The following ROBO2 variants were observed in gnomAD, a reference collection of about 807,000 sequenced individuals.
ROBO2 encodes roundabout homolog 2.
In ROBO2, 53 loss-of-function variants were observed where a neutral mutation model predicts 160.8. The observed-to-expected ratio is 0.33, with a 90% confidence interval of 0.26 to 0.41. ROBO2 has a LOEUF of 0.41. ROBO2 is among the 10% of genes least tolerant of loss of function. ROBO2 has a pLI of 1.00. For synonymous variants in ROBO2, 664 were observed against 611.7 expected (o/e 1.09, Z -1.26); for missense variants, 1,577 against 1,722.4 (o/e 0.92, Z 1.49).
chr3:77,041,455 T>TCC (rs1372245100), intron 1 of ROBO2, among the ~76,000 whole-genome samples: 1 of 152,164 alleles, frequency 6.6e-6, no homozygotes, highest in East Asian at 1.9e-4. Context: ...AGTAGAACAC[T>TCC]TAGCTCAGTC....
chr3:76,033,458 T>C (rs896898261), intron 2 of ROBO2, among the ~76,000 whole-genome samples: 2 of 152,188 alleles, frequency 1.3e-5, no homozygotes, highest in Admixed American at 1.3e-4. Context: ...CTGTGGTGTT[T>C]CCTCTGAGTC....
At chr3:76,437,051 G>A (rs2076714038) in intron 2 of ROBO2, among the ~76,000 whole-genome samples, 1 of 152,150 alleles carries the variant, frequency 6.6e-6, no homozygotes, top group Non-Finnish European at 1.5e-5. Flanking sequence ...CTGAATTTGT[G>A]TAACAGAATG....
exon 21 of ROBO2, chr3:77,607,943 A>G: frequency 1.2e-6 from 2 of 1,613,828 alleles, no homozygotes; most frequent in Non-Finnish European, 8.5e-7. Context: ...CAGTGGAACA[A>G]CAAGAAAATG....
intron 24 of ROBO2, among the ~76,000 whole-genome samples, chr3:77,643,735 A>T (rs2095380573): frequency 6.6e-6 from 1 of 152,190 alleles, no homozygotes; most frequent in Non-Finnish European, 1.5e-5. Context: ...TGTTGTAGAT[A>T]GGCCTCTCCA....
intron 2 of ROBO2, among the ~76,000 whole-genome samples, chr3:76,924,951 G>C (rs534784953): frequency 6.6e-6 from 1 of 152,262 alleles, no homozygotes; most frequent in East Asian, 1.9e-4. Flanking sequence ...GCTCACGCCT[G>C]TAATCCCAGC....
At chr3:77,078,115 A>G (rs1363114329) in intron 1 of ROBO2, among the ~76,000 whole-genome samples, 4 of 152,176 alleles carry the variant, frequency 2.6e-5, no homozygotes, top group Non-Finnish European at 5.9e-5. Flanking sequence ...ACTCATATGT[A>G]TACACCTCAA....
At chr3:75,975,943 C>T (rs1016107902) in intron 2 of ROBO2, among the ~76,000 whole-genome samples, 1 of 151,366 alleles carries the variant, frequency 6.6e-6, no homozygotes, top group African/African-American at 2.4e-5. Context: ...CCATCAAATC[C>T]CAAGGATTTG....
intron 2 of ROBO2, among the ~76,000 whole-genome samples, chr3:77,238,610 A>C (rs1415398898): frequency 6.6e-6 from 1 of 152,206 alleles, no homozygotes; most frequent in Non-Finnish European, 1.5e-5. Flanking sequence ...ATTTGTTTTA[A>C]TATAACTCCA....
intron 1 of ROBO2, among the ~76,000 whole-genome samples, chr3:77,061,540 A>G (rs964224001): frequency 3.3e-5 from 5 of 152,194 alleles, no homozygotes; most frequent in African/African-American, 1.2e-4. Context: ...GAAATCAGTA[A>G]CGGATTCATC....
At chr3:76,022,945 C>T (rs1263450057) in intron 2 of ROBO2, among the ~76,000 whole-genome samples, 2 of 151,714 alleles carry the variant, frequency 1.3e-5, no homozygotes, top group Non-Finnish European at 3.0e-5. Context: ...TCTTGTTTAG[C>T]GAAGCCACCT....
At chr3:77,341,134 C>T (rs2067009804) in intron 2 of ROBO2, among the ~76,000 whole-genome samples, 1 of 152,086 alleles carries the variant, frequency 6.6e-6, no homozygotes, top group Admixed American at 6.6e-5. Context: ...TTGCTGTTTT[C>T]ATACCACAAT....
At chr3:76,364,599 A>G (rs1451192341) in intron 2 of ROBO2, among the ~76,000 whole-genome samples, 1 of 152,058 alleles carries the variant, frequency 6.6e-6, no homozygotes, top group Non-Finnish European at 1.5e-5. Flanking sequence ...TACCTGGACT[A>G]GTATTATTTG....
intron 2 of ROBO2, among the ~76,000 whole-genome samples, chr3:76,635,826 T>C (rs2090300710): frequency 2.0e-5 from 3 of 152,346 alleles, no homozygotes; most frequent in Non-Finnish European, 4.4e-5. Flanking sequence ...AGCCAATGTT[T>C]TCCTAGAACA....
chr3:76,814,166 G>A (rs899132606), intron 2 of ROBO2, among the ~76,000 whole-genome samples: 2 of 152,140 alleles, frequency 1.3e-5, no homozygotes, highest in African/African-American at 4.8e-5. Flanking sequence ...AAGCAATGCT[G>A]ATGACAGCGC....
chr3:76,088,490 T>TA (rs1340089561), intron 2 of ROBO2, among the ~76,000 whole-genome samples: 19 of 151,488 alleles, frequency 1.3e-4, no homozygotes, highest in South Asian at 1.0e-3. Flanking sequence ...CTTAACAAAT[T>TA]AAAAAAAATA....
intron 16 of ROBO2, among the ~76,000 whole-genome samples, chr3:77,584,618 T>C (rs2093996086): frequency 6.6e-6 from 1 of 152,124 alleles, no homozygotes; most frequent in African/African-American, 2.4e-5. Flanking sequence ...AGGTTTTCTT[T>C]CTTTTATATA....
At chr3:76,327,269 A>C (rs1391163260) in intron 2 of ROBO2, among the ~76,000 whole-genome samples, 1 of 152,080 alleles carries the variant, frequency 6.6e-6, no homozygotes, top group Non-Finnish European at 1.5e-5. Flanking sequence ...ATATAACCTG[A>C]TTTTAATTTA....
intron 2 of ROBO2, among the ~76,000 whole-genome samples, chr3:76,483,297 GT>G (rs918595444): frequency 1.3e-4 from 18 of 141,520 alleles, no homozygotes; most frequent in Admixed American, 5.8e-4. Context: ...TATGTAACAT[GT>G]TAACTGTCAT....
At chr3:76,830,168 C>A (rs540327062) in intron 2 of ROBO2, among the ~76,000 whole-genome samples, 2 of 152,026 alleles carry the variant, frequency 1.3e-5, no homozygotes, top group East Asian at 1.9e-4. Flanking sequence ...ACTCAACTGT[C>A]CCCCCCTCCA....
Sources: gnomAD v4.1 joint callset for allele counts (sites outside exome capture counted in the v4.1 genomes callset) on GRCh38, gnomAD v4.1.1 for gene constraint, MANE v1.5 for transcripts, NCBI Gene and HGNC (gene_info 2026-07-23, HGNC 2026-07-21) for gene names.